Variants in LMF2 observed in about 807,000 individuals in gnomAD.
The protein encoded by LMF2 is lipase maturation factor 2, also known as transmembrane protein 112B.
A neutral mutation model predicts 81.5 loss-of-function variants in LMF2; 113 were observed. The ratio of observed to expected loss-of-function variants is 1.39; its 90% CI spans 1.19 to 1.62. LMF2 has a LOEUF of 1.62. LMF2 is among the 40% of genes most tolerant of loss of function. LMF2 has a pLI of 0.00. For synonymous variants in LMF2, 645 were observed against 424.5 expected (o/e 1.52, Z -6.39); for missense variants, 1,235 against 929.1 (o/e 1.33, Z -4.28).
chr22:50,507,060 G>A (rs2068603839), intron 1 of LMF2, 25 bp from the exon 2 acceptor site: 1 of 1,571,996 alleles, frequency 6.4e-7, no homozygotes, highest in Non-Finnish European at 8.6e-7. Context: ...GTCATGGCCA[G>A]GCCCTGGACA....
chr22:50,504,495 G>GGCCCCCCCCCCCCCCCCCCCCCCCCC, intron 11 of LMF2, 44 bp from the exon 12 acceptor site: 1 of 1,339,588 alleles, frequency 7.5e-7, no homozygotes, highest in Non-Finnish European at 1.0e-6. Flanking sequence ...TACCCGCCCT[G>GGCCCCCCCCCCCCCCCCCCCCCCCCC]CCCCTCCCCT....
chr22:50,507,079 A>C, intron 1 of LMF2, 44 bp from the exon 2 acceptor site: 1 of 1,548,302 alleles, frequency 6.5e-7, no homozygotes, highest in Non-Finnish European at 8.7e-7. Flanking sequence ...CAGCCCTTGC[A>C]GACTAGACTA....
In LMF2 at chr22:50,505,080, C is replaced by T. The variant is rs377522106; in HGVS notation, c.1231G>A (p.Val411Met). Reference protein sequence around the residue: ...VQLSLVGTATVALFLISLVPY... With the variant: ...VQLSLVGTATMALFLISLVPY... ...ACCAGGCTAATCAGGAACAAGGCCA[C>T]GGTCGCAGTGCCCACAAGGGACAGT... The change falls in exon 9 of 14, where the codon GTG becomes ATG. Residue 411 changes from valine (V) to methionine (M), a missense_variant. Physicochemically the swap from Val to Met is conservative, Grantham distance 21 (BLOSUM62 1). Coordinates refer to ENST00000474879, the MANE Select transcript of LMF2 (RefSeq NM_033200.3). 8.2e-5 allele frequency: 133 copies of T among 1,612,994 alleles called. No individual in the cohort carries two copies. The South Asian group carries it at 1.1e-3, about 13-fold the overall frequency.
rs2068569302 is a variant in LMF2 at position 50,506,372 on chromosome 22, G to A, written c.508C>T (p.Leu170=). 6.5e-7 allele frequency: 1 copy of A among 1,549,794 alleles called. No individual in the cohort carries two copies. The highest frequency in any genetic ancestry group is 8.7e-7 in the Non-Finnish European group (1 of 1,147,090). The change falls in exon 4 of 14, where the codon CTG becomes TTG. Residue 170 remains leucine (L), a synonymous_variant. Coordinates refer to ENST00000474879, the MANE Select transcript of LMF2 (RefSeq NM_033200.3). ...ALPHEDLPFW[L]VRWLLFRLMF... ...AGGCGGAACAGCAGCCATCGCACCA[G>A]CCAGAAGGGGAGGTCTTCGTGGGGC...
At position 50,503,327 on chromosome 22, in the gene LMF2, T is replaced by C; in HGVS notation, c.*64A>G. 1.9e-6 allele frequency: 3 copies of C among 1,558,986 alleles called. No homozygotes were observed. The highest frequency in any genetic ancestry group is 2.6e-6 in the Non-Finnish European group (3 of 1,144,502). ...AAGGCACAGTGGCTGGGTCCTGTCC[T>C]GCCGGAGGCCAGAGCACTCCCGGCG... On this transcript the variant is annotated 3_prime_UTR_variant, in exon 14 of 14. Coordinates refer to ENST00000474879, the MANE Select transcript of LMF2 (RefSeq NM_033200.3).
At position 50,504,584 on chromosome 22, in the gene LMF2, C is replaced by A. The variant is rs1369326273; in HGVS notation, c.1581G>T (p.Leu527Phe). The change falls in exon 11 of 14, where the codon TTG becomes TTT. Residue 527 changes from leucine to phenylalanine, a missense_variant. Transcript: ENST00000474879. Reference protein sequence around the residue: ...THSPWFTSLVLRLLQGKEPVI... With the variant: ...THSPWFTSLVFRLLQGKEPVI... Reference sequence around the variant, plus strand: ...CTGGCTCCTTGCCCTGCAGCAGGCGCAAGACCAGGCTTGTGAACCACGGGC... The same window carrying A: ...CTGGCTCCTTGCCCTGCAGCAGGCGAAAGACCAGGCTTGTGAACCACGGGC... The A allele has an allele frequency of 1.0e-5, 16 of 1,602,532 alleles. No individual in the cohort carries two copies. The highest frequency in any genetic ancestry group is 1.4e-5 in the Non-Finnish European group (16 of 1,178,026).
chr22:50,505,002 G>A lies in LMF2; in HGVS notation c.1255-18C>T. The A allele has an allele frequency of 6.2e-7, 1 of 1,611,094 alleles. No individual in the cohort carries two copies. Among genetic ancestry groups the A allele is most frequent in the Non-Finnish European group, 8.5e-7 (1 of 1,178,678 alleles). On this transcript the variant is annotated intron_variant, in intron 9 of 13. Coordinates refer to ENST00000474879, the MANE Select transcript of LMF2 (RefSeq NM_033200.3). Reference sequence around the variant, plus strand: ...TACGGCACCTGGAGACAGGTGGGAGGTTCTCAGGGCTGCCCTGCCCCCAGC... The same window carrying A: ...TACGGCACCTGGAGACAGGTGGGAGATTCTCAGGGCTGCCCTGCCCCCAGC...
chr22:50,504,736 C>A lies in LMF2; in HGVS notation c.1438-9G>T. ...TACATGAACTCGATCTCCTGCCAGG[C>A]AGGCCGAGGTCAGCTGGGCCCGCTG... is the stretch of plus-strand genomic sequence containing the variant. On this transcript the variant is annotated splice_polypyrimidine_tract_variant and intron_variant, in intron 10 of 13. Transcript: ENST00000474879. 1 of 1,609,192 alleles carries A rather than the reference C, an allele frequency of 6.2e-7. No homozygotes were observed. Among genetic ancestry groups the A allele is most frequent in the Non-Finnish European group, 8.5e-7 (1 of 1,179,012 alleles).
Position 50,505,221 on chromosome 22 carries a change from C to A in LMF2, c.1157+8G>T, listed in dbSNP as rs374479884. On this transcript the variant is annotated splice_region_variant and intron_variant, in intron 8 of 13. Coordinates refer to ENST00000474879, the MANE Select transcript of LMF2 (RefSeq NM_033200.3). The stretch of plus-strand genomic sequence containing the variant: ...CTGTGCCCCCTCCCTGCTTCCTGGG[C>A]CATGTACCTCCACAGGGCACTCAGC... 1.2e-6 allele frequency: 2 copies of A among 1,612,900 alleles called. No individual in the cohort carries two copies. The highest frequency in any genetic ancestry group is 2.7e-5 in the African/African-American group (2 of 74,940).
chr22:50,504,451 A>C lies in LMF2; in HGVS notation c.1607T>G (p.Val536Gly), dbSNP rs759076289. ...VLRLLQGKEP[V>G]IRLVQSQVAR... ...CACTTGGCTCTGGACAAGGCGGATC[A>C]CTGCAGCGAGAGGCATCAGCGTGGC... Residue 536 changes from valine to glycine, a missense_variant and splice_region_variant, in exon 12 of 14, where the codon GTG becomes GGG. Transcript: ENST00000474879. 1.9e-6 allele frequency: 3 copies of C among 1,610,810 alleles called. No homozygotes were observed. Among genetic ancestry groups the C allele is most frequent in the Admixed American group, 3.3e-5 (2 of 59,962 alleles).
Position 50,507,622 on chromosome 22 carries a change from G to A in LMF2, c.54C>T (p.Val18=), listed in dbSNP as rs979570716. The A allele has an allele frequency of 2.6e-6, 4 of 1,559,720 alleles. No homozygotes were observed. The highest frequency in any genetic ancestry group is 1.4e-5 in the African/African-American group (1 of 73,534). The stretch of plus-strand genomic sequence containing the variant: ...AGAGGGAAGCGAAAGCAAACATGAA[G>A]ACGGCCGCCACGCCCTGGAGGAAGA... The part of the protein sequence containing the change: ...RQLFLQGVAA[V]FMFAFASLYT... Residue 18 remains valine, a synonymous_variant, in exon 1 of 14, where the codon GTC becomes GTT. Transcript: ENST00000474879.
In LMF2 at chr22:50,505,739, G is replaced by A. The variant is rs201349294; in HGVS notation, c.851C>T (p.Ala284Val). ...AGCCAGGTGCTGGTCGTCCAGCAGC[G>A]CAGTGGTAAGCACCAGCGTCATCAG... ...FNLMTLVLTT[A>V]LLDDQHLAAE... Residue 284 changes from alanine (A) to valine (V), a missense_variant, in exon 6 of 14, where the codon GCG (alanine) becomes GTG (valine). Physicochemically the swap from Ala to Val is moderately conservative, Grantham distance 64. Coordinates refer to ENST00000474879, the MANE Select transcript of LMF2 (RefSeq NM_033200.3). The A allele has an allele frequency of 4.3e-4, 691 of 1,613,098 alleles. 1 individual carries two copies. Among genetic ancestry groups the A allele is most frequent in the Non-Finnish European group, 8.5e-5 (100 of 1,179,922 alleles).
At position 50,505,767 on chromosome 22, in the gene LMF2, T is replaced by C. The variant is rs767065478; in HGVS notation, c.823A>G (p.Asn275Asp). The change falls in exon 6 of 14, where the codon AAC becomes GAC. Residue 275 changes from asparagine (N) to aspartate (D), a missense_variant. Coordinates refer to ENST00000474879, the MANE Select transcript of LMF2 (RefSeq NM_033200.3). ...IIITGNYNFF[N>D]LMTLVLTTAL... is the part of the protein sequence containing the mutation. ...GTGGTAAGCACCAGCGTCATCAGGT[T>C]GAAGAAGTTGTAGTTGCCGGTGATG... 4.3e-6 allele frequency: 7 copies of C among 1,613,078 alleles called. No homozygotes were observed. The highest frequency in any genetic ancestry group is 4.5e-5 in the East Asian group (2 of 44,884).
rs756271812 is a variant in LMF2 at position 50,507,691 on chromosome 22, C to G, written c.-16G>C. 9.1e-6 allele frequency: 14 copies of G among 1,545,078 alleles called. No homozygotes were observed. Among genetic ancestry groups the G allele is most frequent in the African/African-American group, 4.1e-5 (3 of 72,780 alleles). On this transcript the variant is annotated 5_prime_UTR_variant, in exon 1 of 14. Transcript: ENST00000474879. ...AGCCCGCCATGTCCGCTACGCGGCC[C>G]GCTAGAGCAGGGCCCGCCCTCCGCG...
chr22:50,504,495 G>GGCCCCCCCCCCCCCC lies in LMF2; in HGVS notation c.1607-45_1607-44insGGGGGGGGGGGGGGC. On this transcript the variant is annotated intron_variant, in intron 11 of 13. Coordinates refer to ENST00000474879, the MANE Select transcript of LMF2 (RefSeq NM_033200.3). ...GCGTGGCCCCCACAGTACCCGCCCT[G>GGCCCCCCCCCCCCCC]CCCCTCCCCTCCCCACCCCGCTCCA... is the stretch of plus-strand genomic sequence containing the variant. The GGCCCCCCCCCCCCCC allele has an allele frequency of 2.2e-6, 3 of 1,339,584 alleles. No homozygotes were observed. The East Asian group carries it at 7.6e-5, about 34-fold the overall frequency. The allele number at this position is 1,339,584 out of a possible 1,614,324, so 83.0% of individuals were successfully genotyped here. A position where few individuals can be genotyped will look rare whatever the true frequency, so the allele number is the denominator to read the frequency against.
rs756873828 is a variant in LMF2, at chr22:50,504,340, C to T, written c.1718G>A (p.Gly573Asp). The change falls in exon 12 of 14, where the codon GGC becomes GAC. Residue 573 changes from glycine to aspartate, a missense_variant and splice_region_variant. Gly to Asp is a moderately conservative substitution (Grantham distance 94). Transcript: ENST00000474879. ...CACCCCACCCGGTGCCCAGCCTTAC[C>T]CCTGCTCCCCAGGCTGGGAGAACCA... Reference protein sequence around the residue: ...KYWFSQPGEQGQWWRRQWVEE... With the variant: ...KYWFSQPGEQDQWWRRQWVEE... 5 of 1,609,940 alleles carry T rather than the reference C, an allele frequency of 3.1e-6. No individual in the cohort carries two copies. In the Admixed American group the frequency reaches 8.4e-5, roughly 27 times the overall value.
intron 1 of LMF2, 145 bp from the exon 2 acceptor site, chr22:50,507,180 C>G (rs983531098): frequency 5.9e-6 from 8 of 1,347,418 alleles, no homozygotes; most frequent in African/African-American, 4.4e-5. Context: ...CCCTCCAGAG[C>G]CCGTCCCCCA....
chr22:50,505,420 G>A lies in LMF2; in HGVS notation c.1034C>T (p.Thr345Ile), dbSNP rs2066237696. ...FGLEVDWQQR[T>I]IHSRTTFTFH... ...GCACTCACTGGTTCTGGAGTGGATG[G>A]TGCGCTGCTGCCAGTCAACCTCCAG... Residue 345 changes from threonine to isoleucine, a missense_variant, in exon 7 of 14, where the codon ACC becomes ATC. By Grantham distance (89) the Thr-to-Ile change is moderately conservative. Transcript: ENST00000474879. 1 of 1,613,122 alleles carries A rather than the reference G, an allele frequency of 6.2e-7. No individual in the cohort carries two copies. The highest frequency in any genetic ancestry group is 8.5e-7 in the Non-Finnish European group (1 of 1,180,030).
chr22:50,503,547 T>C lies in LMF2; in HGVS notation c.1968A>G (p.Leu656=), dbSNP rs776415737. The C allele has an allele frequency of 6.4e-7, 1 of 1,557,758 alleles. No homozygotes were observed. Residue 656 remains leucine, a synonymous_variant, in exon 14 of 14, where the codon CTA becomes CTG. Coordinates refer to ENST00000474879, the MANE Select transcript of LMF2 (RefSeq NM_033200.3). ...VGAVRFVQAL[L]APCSLRSSPL... ...GGGAGGACCGGAGAGAACAGGGTGC[T>C]AGCAGGGCTTGCACAAATCTGACAG... is the stretch of plus-strand genomic sequence containing the variant.
Sources: allele counts gnomAD v4.1 joint callset, GRCh38; gene constraint gnomAD v4.1.1; transcripts MANE v1.5; gene names NCBI Gene and HGNC (gene_info 2026-07-23, HGNC 2026-07-21).